Variants in CSMD1 observed in about 807,000 individuals in gnomAD.
CSMD1 encodes the protein CUB and sushi domain-containing protein 1.
A neutral mutation model predicts 417.5 loss-of-function variants in CSMD1; 213 were observed. The ratio of observed to expected loss-of-function variants is 0.51; its 90% CI spans 0.46 to 0.57. The LOEUF (loss-of-function observed/expected upper bound fraction) is 0.57, where lower values mean the gene tolerates loss of function less well. Ranked by LOEUF, CSMD1 falls within the 20% of genes least tolerant of loss-of-function variation. CSMD1 has a pLI of 0.00. For synonymous variants in CSMD1, 2,862 were observed against 1,736.8 expected (o/e 1.65, Z -16.11); for missense variants, 6,923 against 4,529.7 (o/e 1.53, Z -15.17).
Position 4,322,392 on chromosome 8 carries a change from G to C in CSMD1, c.415+97561C>G, listed in dbSNP as rs1055194819. Among the ~76,000 whole-genome samples, 5 of 152,122 alleles carry C rather than the reference G, an allele frequency of 3.3e-5. No individual in the cohort carries two copies. In the East Asian group the frequency reaches 9.7e-4, roughly 29 times the overall value. Reference sequence around the variant, plus strand: ...ATTAGAATTCCCCCAGTTGGCAAAAGCATCTCACCTATTAGCAAGGTGACT... The same window carrying C: ...ATTAGAATTCCCCCAGTTGGCAAAACCATCTCACCTATTAGCAAGGTGACT... On this transcript the variant is annotated intron_variant, in intron 3 of 69. Transcript: ENST00000635120.
At chr8:4,902,495 T>C (rs1322592926) in intron 1 of CSMD1, among the ~76,000 whole-genome samples, 1 of 151,866 alleles carries the variant, frequency 6.6e-6, no homozygotes, top group Non-Finnish European at 1.5e-5. Context: ...AAAAATATAA[T>C]GTAGTTTGCA....
At chr8:4,323,935 A>G (rs780085701) in intron 3 of CSMD1, among the ~76,000 whole-genome samples, 1 of 152,160 alleles carries the variant, frequency 6.6e-6, no homozygotes. Context: ...TGTCCCAGCA[A>G]CAGGCATTCA....
chr8:4,342,245 G>T (rs571553106), intron 3 of CSMD1, among the ~76,000 whole-genome samples: 1 of 18,678 alleles, frequency 5.4e-5, no homozygotes, highest in Non-Finnish European at 1.0e-4. Context: ...GTGTGTGTGT[G>T]TGTGTCTCTG....
At chr8:4,859,002 C>G (rs575542431) in intron 1 of CSMD1, among the ~76,000 whole-genome samples, 4 of 150,956 alleles carry the variant, frequency 2.6e-5, no homozygotes, top group Non-Finnish European at 4.4e-5. Flanking sequence ...ATCACGCTAC[C>G]TGACTTCAAA....
chr8:4,344,350 G>C (rs1267416398), intron 3 of CSMD1, among the ~76,000 whole-genome samples: 2 of 151,886 alleles, frequency 1.3e-5, no homozygotes, highest in East Asian at 1.9e-4. Context: ...TTTCAGGTTT[G>C]GTACATTATT....
intron 11 of CSMD1, among the ~76,000 whole-genome samples, chr8:3,487,980 A>G (rs1303794595): frequency 1.3e-5 from 2 of 151,228 alleles, no homozygotes; most frequent in Non-Finnish European, 2.9e-5. Context: ...TACTTTCCAG[A>G]CACAGAAGAC....
chr8:3,045,235 T>G (rs1244574220), intron 50 of CSMD1, among the ~76,000 whole-genome samples: 1 of 152,234 alleles, frequency 6.6e-6, no homozygotes, highest in Non-Finnish European at 1.5e-5. Context: ...TCATAGTTGG[T>G]ATCAAAAGAG....
At chr8:3,404,254 G>C (rs1423894955) in intron 15 of CSMD1, among the ~76,000 whole-genome samples, 1 of 151,674 alleles carries the variant, frequency 6.6e-6, no homozygotes. Context: ...AGAACTGCTT[G>C]AATCTGGGAG....
chr8:4,529,587 T>A (rs974436152), intron 2 of CSMD1, among the ~76,000 whole-genome samples: 5 of 152,160 alleles, frequency 3.3e-5, no homozygotes, highest in African/African-American at 7.2e-5. Context: ...AAAAGCTCCT[T>A]GGGGGCAGTG....
chr8:2,987,787 G>A (rs965945942), intron 54 of CSMD1, among the ~76,000 whole-genome samples: 1 of 152,208 alleles, frequency 6.6e-6, no homozygotes, highest in African/African-American at 2.4e-5. Flanking sequence ...GGAGACTGGA[G>A]TCTCAGGGTC....
At chr8:4,825,512 T>G (rs1029919306) in intron 1 of CSMD1, among the ~76,000 whole-genome samples, 1 of 152,134 alleles carries the variant, frequency 6.6e-6, no homozygotes, top group African/African-American at 2.4e-5. Context: ...TTCCTTCCCC[T>G]GGCCCCTGGT....
intron 68 of CSMD1, among the ~76,000 whole-genome samples, chr8:2,946,904 G>C (rs542581234): frequency 2.0e-4 from 31 of 152,260 alleles, no homozygotes; most frequent in African/African-American, 7.5e-4. Context: ...TTGACTTTTA[G>C]ATCACAGCCA....
chr8:4,636,243 T>C (rs758547287), intron 2 of CSMD1, among the ~76,000 whole-genome samples: 6 of 152,168 alleles, frequency 3.9e-5, no homozygotes, highest in Non-Finnish European at 7.4e-5. Context: ...TATTCCTTCT[T>C]CCTTTGCCAA....
intron 1 of CSMD1, among the ~76,000 whole-genome samples, chr8:4,765,025 G>C (rs1258525446): frequency 3.9e-5 from 6 of 152,044 alleles, no homozygotes; most frequent in African/African-American, 9.6e-5. Context: ...GTTTAATTAA[G>C]CAACTGCATG....
chr8:4,313,170 A>G (rs913595603), intron 3 of CSMD1, among the ~76,000 whole-genome samples: 1 of 152,166 alleles, frequency 6.6e-6, no homozygotes, highest in African/African-American at 2.4e-5. Flanking sequence ...TTTCTAATCT[A>G]CTAAATGTAC....
chr8:3,325,697 G>C (rs191673754), intron 23 of CSMD1, among the ~76,000 whole-genome samples: 2 of 152,068 alleles, frequency 1.3e-5, no homozygotes, highest in African/African-American at 2.4e-5. Context: ...GGTGGCAGGC[G>C]CCTATAATCC....
chr8:4,055,345 T>A (rs1798637334), intron 3 of CSMD1, among the ~76,000 whole-genome samples: 1 of 152,126 alleles, frequency 6.6e-6, no homozygotes, highest in Non-Finnish European at 1.5e-5. Flanking sequence ...ATTACAAAAA[T>A]ATCCTTTTTA....
At chr8:4,638,467 T>C (rs559735362) in intron 1 of CSMD1, among the ~76,000 whole-genome samples, 1 of 152,162 alleles carries the variant, frequency 6.6e-6, no homozygotes, top group Non-Finnish European at 1.5e-5. Flanking sequence ...GTAAGTTAAA[T>C]GACGCTAAAA....
intron 1 of CSMD1, among the ~76,000 whole-genome samples, chr8:4,671,604 C>T (rs893536838): frequency 1.3e-5 from 2 of 152,210 alleles, no homozygotes; most frequent in East Asian, 1.9e-4. Flanking sequence ...ACGTTATCTT[C>T]AACAGTTCCT....
Sources: allele counts gnomAD v4.1 joint callset (sites outside exome capture counted in the v4.1 genomes callset), GRCh38; gene constraint gnomAD v4.1.1; transcripts MANE v1.5; gene names NCBI Gene and HGNC (gene_info 2026-07-23, HGNC 2026-07-21).